The following WWOX variants were observed in gnomAD, a reference collection of about 807,000 sequenced individuals.
WWOX encodes WW domain containing oxidoreductase.
WWOX carries 69 observed loss-of-function variants against 46.2 expected under a neutral mutation model. That is an observed-to-expected ratio of 1.49 (90% CI 1.23 to 1.82). WWOX has a LOEUF of 1.82. Among genes scored for constraint, WWOX ranks in the 40% most tolerant of loss-of-function variants. WWOX has a pLI of 0.00. For missense variants in WWOX, 919 were observed against 542.6 expected (o/e 1.69, Z -6.89); for synonymous variants, 359 against 202.6 (o/e 1.77, Z -6.56).
chr16:78,769,876 T>A (rs888973949), intron 8 of WWOX, among the ~76,000 whole-genome samples: 1 of 151,204 alleles, frequency 6.6e-6, no homozygotes, highest in African/African-American at 2.4e-5. Flanking sequence ...AAAATAAAAA[T>A]AAAAATAAAT....
chr16:78,233,604 G>A (rs1188270373), intron 5 of WWOX, among the ~76,000 whole-genome samples: 2 of 141,230 alleles, frequency 1.4e-5, no homozygotes, highest in South Asian at 2.2e-4. Context: ...TCGGCTCATT[G>A]CAAGCTCCGC....
At chr16:78,175,079 C>T (rs1021156908) in intron 5 of WWOX, among the ~76,000 whole-genome samples, 1 of 151,814 alleles carries the variant, frequency 6.6e-6, no homozygotes, top group Non-Finnish European at 1.5e-5. Context: ...TGCTAAGGAG[C>T]AGGGGGCCCC....
At chr16:78,682,516 G>T (rs2047753580) in intron 8 of WWOX, among the ~76,000 whole-genome samples, 1 of 152,128 alleles carries the variant, frequency 6.6e-6, no homozygotes, top group Non-Finnish European at 1.5e-5. Context: ...CCAGGAGTTG[G>T]AGGCTGCAAC....
chr16:78,354,311 A>ATTTTTT (rs2081241416), intron 5 of WWOX, among the ~76,000 whole-genome samples: 1 of 38,592 alleles, frequency 2.6e-5, no homozygotes, highest in African/African-American at 1.2e-4. Context: ...GATGTGCTTA[A>ATTTTTT]CTTTTTTTTT....
chr16:78,746,691 T>C (rs749094257), intron 8 of WWOX, among the ~76,000 whole-genome samples: 2 of 152,018 alleles, frequency 1.3e-5, no homozygotes, highest in Admixed American at 6.6e-5. Context: ...ATTTTTCCCA[T>C]AGCCAATGCC....
intron 8 of WWOX, among the ~76,000 whole-genome samples, chr16:78,485,439 T>C (rs1168402608): frequency 6.6e-6 from 1 of 152,190 alleles, no homozygotes; most frequent in Non-Finnish European, 1.5e-5. Flanking sequence ...TCAACTTCCA[T>C]AGGAACCAAA....
chr16:78,165,790 T>G (rs972872829), intron 5 of WWOX, among the ~76,000 whole-genome samples: 1 of 152,236 alleles, frequency 6.6e-6, no homozygotes, highest in East Asian at 1.9e-4. Context: ...GCTTTTTCAG[T>G]GTATTTATGA....
intron 8 of WWOX, among the ~76,000 whole-genome samples, chr16:78,556,502 C>G (rs1381931155): frequency 6.6e-6 from 1 of 152,094 alleles, no homozygotes; most frequent in Non-Finnish European, 1.5e-5. Flanking sequence ...TGAGTGCCAT[C>G]TTAACTACAA....
chr16:78,513,250 A>C (rs117391273), intron 8 of WWOX, among the ~76,000 whole-genome samples: 2,107 of 152,368 alleles, frequency 0.014, 23 homozygotes, highest in Non-Finnish European at 0.02. Flanking sequence ...ATGCTAAATT[A>C]TCTCTTCTAT....
At chr16:78,866,741 C>G (rs1426034010) in intron 8 of WWOX, among the ~76,000 whole-genome samples, 2 of 152,176 alleles carry the variant, frequency 1.3e-5, no homozygotes, top group Non-Finnish European at 2.9e-5. Context: ...CAGGAATGCA[C>G]TGTTTCCAGC....
intron 8 of WWOX, among the ~76,000 whole-genome samples, chr16:78,939,887 T>C (rs990561529): frequency 1.3e-5 from 2 of 152,252 alleles, no homozygotes; most frequent in Non-Finnish European, 2.9e-5. Context: ...TTTTGACATT[T>C]GTACATGCTT....
chr16:78,286,737 T>G (rs2079773921), intron 5 of WWOX, among the ~76,000 whole-genome samples: 1 of 152,132 alleles, frequency 6.6e-6, no homozygotes, highest in Non-Finnish European at 1.5e-5. Context: ...ACAAACAGCT[T>G]CTTCTTCATT....
chr16:78,993,127 A>G (rs1264933097), intron 8 of WWOX, among the ~76,000 whole-genome samples: 2 of 152,088 alleles, frequency 1.3e-5, no homozygotes, highest in Non-Finnish European at 2.9e-5. Context: ...TGTTTAAATT[A>G]CCAATTTCAT....
chr16:78,555,168 T>TTA (rs1555562480), intron 8 of WWOX, among the ~76,000 whole-genome samples: 3 of 128,428 alleles, frequency 2.3e-5, no homozygotes, highest in East Asian at 2.3e-4. Context: ...TATGATTTTG[T>TTA]AAAAAAAAAA....
In WWOX at chr16:78,880,873, C is replaced by G. The variant is rs5019007; in HGVS notation, c.1057-330735C>G. Among the ~76,000 whole-genome samples, 3 of 151,596 alleles carry G rather than the reference C, an allele frequency of 2.0e-5. No individual in the cohort carries two copies. In the East Asian group the frequency reaches 5.8e-4, roughly 29 times the overall value. ...TCAGAGAAATGCTCTGCCTTCTTGT[C>G]TATGATATCAGATCAGGTCAGACGT... On this transcript the variant is annotated intron_variant, in intron 8 of 8. Transcript: ENST00000566780.
intron 6 of WWOX, among the ~76,000 whole-genome samples, chr16:78,389,575 C>G (rs949263158): frequency 2.0e-4 from 31 of 152,122 alleles, no homozygotes; most frequent in African/African-American, 7.2e-4. Context: ...ATTCAATTCT[C>G]AAAGCAGTCC....
At chr16:78,738,337 G>T (rs897470571) in intron 8 of WWOX, among the ~76,000 whole-genome samples, 7 of 152,050 alleles carry the variant, frequency 4.6e-5, no homozygotes, top group Non-Finnish European at 5.9e-5. Flanking sequence ...TTTTCAGTAT[G>T]GTAATAATTA....
chr16:78,236,120 C>G (rs1407063758), intron 5 of WWOX, among the ~76,000 whole-genome samples: 1 of 152,194 alleles, frequency 6.6e-6, no homozygotes, highest in African/African-American at 2.4e-5. Flanking sequence ...GGTTGCCAGC[C>G]TCTGACTCTG....
chr16:78,328,613 G>GA (rs2080685705), intron 5 of WWOX, among the ~76,000 whole-genome samples: 1 of 152,164 alleles, frequency 6.6e-6, no homozygotes, highest in African/African-American at 2.4e-5. Flanking sequence ...ATCGAATGTG[G>GA]AAATTAGATG....
Sources: gnomAD v4.1 joint callset for allele counts (sites outside exome capture counted in the v4.1 genomes callset) on GRCh38, gnomAD v4.1.1 for gene constraint, MANE v1.5 for transcripts, NCBI Gene and HGNC (gene_info 2026-07-23, HGNC 2026-07-21) for gene names.